RBFOX1: variants seen among roughly 807,000 people sequenced by gnomAD.
The protein encoded by RBFOX1 is RNA binding fox-1 homolog 1.
A neutral mutation model predicts 57.7 loss-of-function variants in RBFOX1; 8 were observed. That is an observed-to-expected ratio of 0.14 (90% CI 0.08 to 0.25). RBFOX1 has a LOEUF of 0.25. Ranked by LOEUF, RBFOX1 falls within the 10% of genes least tolerant of loss-of-function variation. The pLI, the probability that RBFOX1 is intolerant of heterozygous loss-of-function variation, is 1.00. For missense variants in RBFOX1, 611 were observed against 548.5 expected (o/e 1.11, Z -1.14); for synonymous variants, 326 against 222.4 (o/e 1.47, Z -4.15).
At chr16:5,561,436 C>G (rs1232768134) in intron 2 of RBFOX1, among the ~76,000 whole-genome samples, 3 of 151,980 alleles carry the variant, frequency 2.0e-5, no homozygotes, top group Non-Finnish European at 4.4e-5. Context: ...GTTAGTGGGA[C>G]ACAGACATTC....
chr16:7,023,564 T>TAAAAAAAAAAAAAAAAAAAAA lies in RBFOX1; in HGVS notation c.-15-28483_-15-28463dup, dbSNP rs34056673. On this transcript the variant is annotated intron_variant, in intron 3 of 15. Coordinates refer to ENST00000550418, the MANE Select transcript of RBFOX1 (RefSeq NM_018723.4). ...CAACATGGTGAAACTTCGTCTGTAC[T>TAAAAAAAAAAAAAAAAAAAAA]AAAAAAAAAAAAAAAAAAAAAAAAA... Among the ~76,000 whole-genome samples the TAAAAAAAAAAAAAAAAAAAAA allele has an allele frequency of 2.1e-3, 92 of 43,924 alleles. 11 individuals carry two copies. Among genetic ancestry groups the TAAAAAAAAAAAAAAAAAAAAA allele is most frequent in the East Asian group, 4.7e-3 (5 of 1,064 alleles). The allele number at this position is 43,924 out of a possible 152,430, so 28.8% of individuals were successfully genotyped here. A position where few individuals can be genotyped will look rare whatever the true frequency, so the allele number is the denominator to read the frequency against.
intron 4 of RBFOX1, among the ~76,000 whole-genome samples, chr16:7,496,476 A>C (rs2068673291): frequency 6.6e-6 from 1 of 152,128 alleles, no homozygotes; most frequent in Admixed American, 6.5e-5. Context: ...GGATAGTGAT[A>C]TCTAACTCAG....
chr16:7,599,159 C>T (rs946051301), intron 9 of RBFOX1, among the ~76,000 whole-genome samples: 6 of 152,174 alleles, frequency 3.9e-5, no homozygotes, highest in African/African-American at 7.2e-5. Context: ...CTGAAGCAAA[C>T]CTCTGATTTA....
chr16:7,567,176 CCTATATAAATATCCAT>C (rs1567863704), intron 5 of RBFOX1, among the ~76,000 whole-genome samples: 107 of 145,254 alleles, frequency 7.4e-4, no homozygotes, highest in African/African-American at 2.5e-3. Flanking sequence ...TATATATATC[CCTATATAAATATCCAT>C]ATATATATCC....
intron 2 of RBFOX1, among the ~76,000 whole-genome samples, chr16:5,572,973 G>A (rs2046333918): frequency 6.6e-6 from 1 of 152,152 alleles, no homozygotes; most frequent in African/African-American, 2.4e-5. Context: ...TTCAGTGGAA[G>A]AATGGCGTGA....
At chr16:5,322,390 G>A (rs1372852570) in intron 1 of RBFOX1, among the ~76,000 whole-genome samples, 3 of 152,114 alleles carry the variant, frequency 2.0e-5, no homozygotes, top group Non-Finnish European at 4.4e-5. Flanking sequence ...CACGCCTAGG[G>A]GTTTGGGGTA....
At chr16:5,242,139 A>G (rs1163494350) in intron 1 of RBFOX1, among the ~76,000 whole-genome samples, 1 of 151,880 alleles carries the variant, frequency 6.6e-6, no homozygotes, top group Non-Finnish European at 1.5e-5. Context: ...AGAGAGAGAC[A>G]GACAGACCCA....
At chr16:5,312,839 C>T (rs1179125137) in intron 1 of RBFOX1, among the ~76,000 whole-genome samples, 1 of 152,218 alleles carries the variant, frequency 6.6e-6, no homozygotes, top group African/African-American at 2.4e-5. Context: ...CAAAGAATGT[C>T]TTCAGATATG....
At chr16:6,214,305 G>T (rs2152859405) in intron 1 of RBFOX1, among the ~76,000 whole-genome samples, 1 of 152,098 alleles carries the variant, frequency 6.6e-6, no homozygotes, top group East Asian at 1.9e-4. Context: ...AAGAGTAGGA[G>T]GGAGAGGGAG....
chr16:7,669,853 G>C (rs887422288), intron 13 of RBFOX1, among the ~76,000 whole-genome samples: 11 of 152,124 alleles, frequency 7.2e-5, no homozygotes, highest in Admixed American at 5.2e-4. Flanking sequence ...CTGAGGATTG[G>C]CATTTGACTT....
chr16:7,286,763 A>G (rs1398785779), intron 4 of RBFOX1, among the ~76,000 whole-genome samples: 2 of 151,550 alleles, frequency 1.3e-5, no homozygotes, highest in Non-Finnish European at 2.9e-5. Context: ...AGCTGGGACT[A>G]CAGGTCCCTG....
At chr16:7,122,976 C>G (rs2067541083) in intron 4 of RBFOX1, among the ~76,000 whole-genome samples, 1 of 151,896 alleles carries the variant, frequency 6.6e-6, no homozygotes, top group Non-Finnish European at 1.5e-5. Context: ...AAATCCATTC[C>G]TATGACATCT....
chr16:6,176,010 TC>T (rs1035963067), intron 1 of RBFOX1, among the ~76,000 whole-genome samples: 13 of 152,118 alleles, frequency 8.5e-5, no homozygotes, highest in African/African-American at 3.1e-4. Flanking sequence ...TATTTCTTTT[TC>T]CCACAAGCTT....
chr16:6,836,908 C>T (rs905590034), intron 3 of RBFOX1, among the ~76,000 whole-genome samples: 1 of 152,058 alleles, frequency 6.6e-6, no homozygotes, highest in African/African-American at 2.4e-5. Flanking sequence ...TCAGCGTTGC[C>T]AAGCAAAGAG....
intron 2 of RBFOX1, among the ~76,000 whole-genome samples, chr16:6,588,212 A>G (rs1022397233): frequency 2.6e-5 from 4 of 151,296 alleles, no homozygotes; most frequent in Non-Finnish European, 4.4e-5. Context: ...GCCTGGGCAC[A>G]GAGCAAGACT....
intron 2 of RBFOX1, among the ~76,000 whole-genome samples, chr16:5,495,230 C>T (rs761223572): frequency 1.3e-5 from 2 of 152,190 alleles, no homozygotes; most frequent in East Asian, 1.9e-4. Flanking sequence ...TAACTTCCAC[C>T]TTGAAGCACA....
intron 4 of RBFOX1, among the ~76,000 whole-genome samples, chr16:7,447,396 G>A (rs2098817143): frequency 1.4e-5 from 2 of 139,210 alleles, no homozygotes; most frequent in Admixed American, 7.8e-5. Context: ...TCATGCCACT[G>A]CACTCCAGGC....
chr16:5,942,590 C>G (rs1412557682), intron 4 of RBFOX1, among the ~76,000 whole-genome samples: 1 of 152,162 alleles, frequency 6.6e-6, no homozygotes, highest in South Asian at 2.1e-4. Flanking sequence ...AAGTCCCTTT[C>G]ATGATCCTAA....
At chr16:7,206,952 A>G (rs887427359) in intron 4 of RBFOX1, among the ~76,000 whole-genome samples, 2 of 152,152 alleles carry the variant, frequency 1.3e-5, no homozygotes, top group South Asian at 2.1e-4. Flanking sequence ...TGGTAGTCCC[A>G]CTTACAGTGC....
Sources: allele counts gnomAD v4.1 joint callset (sites outside exome capture counted in the v4.1 genomes callset), GRCh38; gene constraint gnomAD v4.1.1; transcripts MANE v1.5; gene names NCBI Gene and HGNC (gene_info 2026-07-23, HGNC 2026-07-21).